KIF26B: variants seen among roughly 807,000 people sequenced by gnomAD.
KIF26B encodes kinesin family member 26B, also known as kinesin-like protein KIF26B.
In KIF26B, 63 loss-of-function variants were observed where a neutral mutation model predicts 151.2. The ratio of observed to expected loss-of-function variants is 0.42; its 90% confidence interval spans 0.34 to 0.51. The LOEUF (loss-of-function observed/expected upper bound fraction) is 0.51. Among genes scored for constraint, KIF26B ranks in the 20% least tolerant of loss-of-function variants. The pLI, the probability that KIF26B is intolerant of heterozygous loss-of-function variation, is 0.07. For missense variants in KIF26B, 2,813 were observed against 2,913.6 expected (o/e 0.97, Z 0.79); for synonymous variants, 1,357 against 1,262.1 (o/e 1.08, Z -1.59).
At chr1:245,380,468 G>A (rs1144584) in intron 3 of KIF26B, among the ~76,000 whole-genome samples, 66,938 of 152,020 alleles carry the variant, frequency 0.44, 16,099 homozygotes, top group Admixed American at 0.55. Context: ...AAGGCGCTGC[G>A]TCGCCAGGGA....
At chr1:245,647,424 C>CTAA (rs2043962785) in intron 10 of KIF26B, among the ~76,000 whole-genome samples, 1 of 96,536 alleles carries the variant, frequency 1.0e-5, no homozygotes, top group Non-Finnish European at 1.9e-5. Context: ...GACTCCTTCT[C>CTAA]AAAAAAAAAA....
At position 245,244,288 on chromosome 1, in the gene KIF26B, A is replaced by T. The variant is rs975559644; in HGVS notation, c.465+87605A>T. Among the ~76,000 whole-genome samples the T allele has an allele frequency of 5.3e-5, 8 of 151,914 alleles. No homozygotes were observed. Among genetic ancestry groups the T allele is most frequent in the Admixed American group, 3.3e-4 (5 of 15,234 alleles). ...TATATTTTTTTCTAAATATCATTCT[A>T]TATGTTCTTCTAAAAGCCCATTTGT... On this transcript the variant is annotated intron_variant, in intron 2 of 14. Transcript: ENST00000407071. The surrounding 1 kb of genome is among the most constrained non-coding windows in gnomAD (Gnocchi z 4.2).
chr1:245,649,151 T>G (rs577394043), intron 10 of KIF26B, among the ~76,000 whole-genome samples: 53 of 152,324 alleles, frequency 3.5e-4, no homozygotes, highest in South Asian at 1.7e-3. Flanking sequence ...CTTGCCGAAA[T>G]GTTTTCTCCG....
rs371910803 is a variant in KIF26B, at chr1:245,455,285, C to T, written c.1166+35540C>T. 2.4e-4 allele frequency among the ~76,000 whole-genome samples: 37 copies of T among 152,254 alleles called. 1 individual carries two copies. The highest frequency in any genetic ancestry group is 8.9e-4 in the African/African-American group (37 of 41,548). On this transcript the variant is annotated intron_variant, in intron 4 of 14. Coordinates refer to ENST00000407071, the MANE Select transcript of KIF26B (RefSeq NM_018012.4). ...CTTTGGGAGGCTGAGGCGGGCAGAT[C>T]ACGAGGTCAAGAGATCGAGACCATC...
At chr1:245,326,871 C>T (rs1672000001) in intron 2 of KIF26B, among the ~76,000 whole-genome samples, 1 of 152,226 alleles carries the variant, frequency 6.6e-6, no homozygotes. Flanking sequence ...TCTCCTTTTG[C>T]ACATCAAGGA....
At chr1:245,700,380 C>A (rs922929671) in intron 14 of KIF26B, among the ~76,000 whole-genome samples, 2 of 152,072 alleles carry the variant, frequency 1.3e-5, no homozygotes, top group African/African-American at 4.8e-5. Context: ...TTACTATTAT[C>A]CCAAAGTTCA....
chr1:245,199,969 C>T (rs977535697), intron 2 of KIF26B, among the ~76,000 whole-genome samples: 8 of 152,244 alleles, frequency 5.3e-5, no homozygotes, highest in African/African-American at 1.9e-4. Context: ...CCTCTGCCCT[C>T]ATGCAGTTTA....
chr1:245,329,112 G>A (rs897369577), intron 2 of KIF26B, among the ~76,000 whole-genome samples: 1 of 152,226 alleles, frequency 6.6e-6, no homozygotes, highest in Non-Finnish European at 1.5e-5. Context: ...TGTTTGGAAA[G>A]CTTTAGCCAT....
chr1:245,604,263 C>A (rs942203610), intron 6 of KIF26B, among the ~76,000 whole-genome samples: 1 of 152,126 alleles, frequency 6.6e-6, no homozygotes, highest in Admixed American at 6.5e-5. Context: ...GACAACAGTG[C>A]GAATAGTTAC....
chr1:245,428,895 G>T (rs1658709031), intron 4 of KIF26B, among the ~76,000 whole-genome samples: 1 of 144,088 alleles, frequency 6.9e-6, no homozygotes, highest in Non-Finnish European at 1.5e-5. Flanking sequence ...GAATCCCAGG[G>T]ATTCTTGTAA....
At chr1:245,364,420 CTCTTTT>C (rs1327145403) in intron 2 of KIF26B, among the ~76,000 whole-genome samples, 1 of 138,600 alleles carries the variant, frequency 7.2e-6, no homozygotes, top group African/African-American at 2.8e-5. Flanking sequence ...CTCTCTCTCT[CTCTTTT>C]TTTTTTTTTT....
intron 3 of KIF26B, among the ~76,000 whole-genome samples, chr1:245,401,277 AG>A (rs2103027070): frequency 6.6e-6 from 1 of 152,344 alleles, no homozygotes; most frequent in Non-Finnish European, 1.5e-5. Flanking sequence ...ACAGGCATCC[AG>A]GGAGACATAA....
intron 9 of KIF26B, among the ~76,000 whole-genome samples, chr1:245,626,633 C>T (rs1246599198): frequency 1.3e-5 from 2 of 152,016 alleles, no homozygotes; most frequent in Non-Finnish European, 2.9e-5. Context: ...ATATTAATTC[C>T]TTGTTGAATG....
intron 14 of KIF26B, among the ~76,000 whole-genome samples, chr1:245,699,602 G>A (rs2044741484): frequency 2.2e-5 from 2 of 92,910 alleles, no homozygotes; most frequent in Admixed American, 1.1e-4. Flanking sequence ...TCTTTGAAAG[G>A]TGGATTCAAT....
At chr1:245,228,702 T>C (rs1259660874) in intron 2 of KIF26B, among the ~76,000 whole-genome samples, 3 of 152,324 alleles carry the variant, frequency 2.0e-5, no homozygotes, top group African/African-American at 7.2e-5. Context: ...GTAATTTACA[T>C]GTATTATCTC....
intron 9 of KIF26B, among the ~76,000 whole-genome samples, chr1:245,624,158 C>T (rs1271130019): frequency 6.6e-6 from 1 of 152,002 alleles, no homozygotes; most frequent in African/African-American, 2.4e-5. Flanking sequence ...ATAAATTACC[C>T]AGTCTCAGGT....
At chr1:245,383,258 A>G (rs558379316) in intron 3 of KIF26B, among the ~76,000 whole-genome samples, 1 of 152,086 alleles carries the variant, frequency 6.6e-6, no homozygotes, top group Non-Finnish European at 1.5e-5. Flanking sequence ...GGCATCCCTC[A>G]CGTCTGAACA....
chr1:245,325,104 AAAAAAAAGAAAAAAAG>A (rs1217108344), intron 2 of KIF26B, among the ~76,000 whole-genome samples: 1 of 134,894 alleles, frequency 7.4e-6, no homozygotes, highest in African/African-American at 2.9e-5. Flanking sequence ...CAAAAAAAAA[AAAAAAAAGAAAAAAAG>A]AAAAAAGAAA....
intron 2 of KIF26B, among the ~76,000 whole-genome samples, chr1:245,341,303 G>GTTTT (rs34249209): frequency 4.8e-5 from 4 of 82,540 alleles, no homozygotes; most frequent in Admixed American, 1.2e-4. Flanking sequence ...AAAAGATGCA[G>GTTTT]TTTTTTTTTT....
Sources: gnomAD v4.1 joint callset for allele counts (sites outside exome capture counted in the v4.1 genomes callset) on GRCh38, gnomAD v4.1.1 for gene constraint, Gnocchi (gnomAD v3.1) non-coding constraint, MANE v1.5 for transcripts, NCBI Gene and HGNC (gene_info 2026-07-23, HGNC 2026-07-21) for gene names.